The following NPRL3 variants were observed in gnomAD, a reference collection of about 807,000 sequenced individuals.
NPRL3 encodes GATOR1 complex protein NPRL3.
Under a neutral mutation model 57.2 loss-of-function variants are expected in NPRL3, and 23 were observed. That is an observed-to-expected ratio of 0.40 (90% CI 0.29 to 0.57). The LOEUF (loss-of-function observed/expected upper bound fraction) is 0.57, where lower values mean the gene tolerates loss of function less well. NPRL3 is among the 20% of genes least tolerant of loss of function. NPRL3 has a pLI of 0.42. For synonymous variants in NPRL3, 333 were observed against 321.1 expected (o/e 1.04, Z -0.39); for missense variants, 691 against 767.1 (o/e 0.90, Z 1.17).
intron 5 of NPRL3, among the ~76,000 whole-genome samples, chr16:116,189 G>A (rs772570549): frequency 2.0e-5 from 3 of 152,074 alleles, no homozygotes; most frequent in Non-Finnish European, 4.4e-5. Flanking sequence ...ACTGTTCCCC[G>A]AGGTGAGGGC....
At position 106,303 on chromosome 16, in the gene NPRL3, G is replaced by A. The variant is rs892281530; in HGVS notation, c.629+4222C>T. Among the ~76,000 whole-genome samples the A allele has an allele frequency of 5.3e-5, 8 of 151,052 alleles. No homozygotes were observed. The East Asian group carries it at 7.8e-4, about 15-fold the overall frequency. On this transcript the variant is annotated intron_variant, in intron 7 of 13. Coordinates refer to ENST00000611875, the MANE Select transcript of NPRL3 (RefSeq NM_001077350.3). ...AGCCTGGGTGACGAAGCAAGACTCC[G>A]TCTCAAACAAACAAATAAATAAATA... is the stretch of plus-strand genomic sequence containing the variant.
At chr16:103,411 G>A (rs1437563003) in intron 7 of NPRL3, among the ~76,000 whole-genome samples, 1 of 146,478 alleles carries the variant, frequency 6.8e-6, no homozygotes, top group South Asian at 2.2e-4. Context: ...AAAGTGCTAG[G>A]ATTACAGGCG....
intron 12 of NPRL3, chr16:89,333 A>T (rs1898654188): frequency 3.6e-6 from 1 of 276,414 alleles, no homozygotes; most frequent in Admixed American, 4.8e-5. Flanking sequence ...GGGACCTGGC[A>T]ACAGGCTGCT....
Position 86,842 on chromosome 16 carries a change from G to A in NPRL3, c.1573C>T (p.His525Tyr). ...TCGTTGTACATAATCTCCTCCAGGT[G>A]GTGGCGGCCGCGGAAGTAGTGAAGG... is the stretch of plus-strand genomic sequence containing the variant. ...RLLHYFRGRHHLEEIMYNENT... is the reference protein window; with the variant it reads ...RLLHYFRGRHYLEEIMYNENT... Residue 525 changes from histidine to tyrosine, a missense_variant, in exon 14 of 14, where the codon CAC (histidine) becomes TAC (tyrosine). Physicochemically the swap from His to Tyr is moderately conservative, Grantham distance 83. Transcript: ENST00000611875. The A allele has an allele frequency of 4.3e-6, 7 of 1,613,396 alleles. No individual in the cohort carries two copies. The highest frequency in any genetic ancestry group is 5.9e-6 in the Non-Finnish European group (7 of 1,179,722).
intron 6 of NPRL3, among the ~76,000 whole-genome samples, chr16:112,240 C>A (rs966002509): frequency 6.6e-6 from 1 of 152,166 alleles, no homozygotes; most frequent in Non-Finnish European, 1.5e-5. Flanking sequence ...CATTTCTGGT[C>A]GGGAAATCTA....
Position 117,394 on chromosome 16 carries a change from T to G in NPRL3, c.319-19A>C. On this transcript the variant is annotated intron_variant, in intron 4 of 13. Coordinates refer to ENST00000611875, the MANE Select transcript of NPRL3 (RefSeq NM_001077350.3). Reference sequence around the variant, plus strand: ...TGGAGATCTGTAAAAGATGCATAATTCTAATTAATTGAGACGACTTTCTAA... The same window carrying G: ...TGGAGATCTGTAAAAGATGCATAATGCTAATTAATTGAGACGACTTTCTAA... The G allele has an allele frequency of 1.3e-6, 2 of 1,560,906 alleles. No homozygotes were observed. The highest frequency in any genetic ancestry group is 1.8e-6 in the Non-Finnish European group (2 of 1,137,678).
intron 2 of NPRL3, among the ~76,000 whole-genome samples, chr16:137,289 C>A (rs1053545780): frequency 6.6e-6 from 1 of 152,180 alleles, no homozygotes. Context: ...AACCTACATG[C>A]CGTCCACAGG....
At chr16:137,629 A>G (rs1223895043) in intron 2 of NPRL3, among the ~76,000 whole-genome samples, 1 of 151,754 alleles carries the variant, frequency 6.6e-6, no homozygotes, top group Non-Finnish European at 1.5e-5. Flanking sequence ...GGTTCACTGA[A>G]ACCTCCGCCT....
intron 4 of NPRL3, among the ~76,000 whole-genome samples, chr16:118,074 T>C (rs542035230): frequency 6.6e-6 from 1 of 152,298 alleles, no homozygotes; most frequent in South Asian, 2.1e-4. Context: ...GCCCCAGCTG[T>C]GGAGGCTGTG....
At chr16:88,621 T>TGTTGCGTACGTCCCTATCCACTTTCTGC in intron 13 of NPRL3, 77 bp downstream of exon 13, 1 of 1,290,516 alleles carries the variant, frequency 7.7e-7, no homozygotes, top group African/African-American at 1.5e-5. Context: ...TTGGTGGTTC[T>TGTTGCGTACGTCCCTATCCACTTTCTGC]GTTGCGTACG....
chr16:92,680 A>T lies in NPRL3; in HGVS notation c.1077T>A (p.His359Gln). 1.2e-6 allele frequency: 2 copies of T among 1,613,906 alleles called. No individual in the cohort carries two copies. The highest frequency in any genetic ancestry group is 1.7e-6 in the Non-Finnish European group (2 of 1,179,848). Residue 359 changes from histidine (H) to glutamine (Q), a missense_variant, in exon 11 of 14, where the codon CAT becomes CAA. Physicochemically the swap from His to Gln is conservative, Grantham distance 24. Transcript: ENST00000611875. ...AEQFSHQFPS[H>Q]DLPSVLAKFS... ...ACTTGGCAAGAACGGACGGCAGGTC[A>T]TGAGATGGGAACTGGTGGGAGAACT...
intron 13 of NPRL3, among the ~76,000 whole-genome samples, chr16:87,933 C>T (rs553979274): frequency 6.6e-6 from 1 of 151,146 alleles, no homozygotes; most frequent in East Asian, 2.0e-4. Context: ...GTGCTTTCTG[C>T]AACTCAGGCT....
In NPRL3 at chr16:138,368, T is replaced by A. The variant is rs561722223; in HGVS notation, c.-67-34A>T. On this transcript the variant is annotated intron_variant, in intron 1 of 13. Transcript: ENST00000611875. ...GACGGAGCCGGAGGCGGAGGGGGCCTGAGGAGGACGAGGCGGGGACGCAGG... is the reference window on the plus strand; with the variant it reads ...GACGGAGCCGGAGGCGGAGGGGGCCAGAGGAGGACGAGGCGGGGACGCAGG... The A allele has an allele frequency of 1.9e-4, 146 of 768,660 alleles. 1 individual carries two copies. In the African/African-American group the frequency reaches 2.8e-3, roughly 15 times the overall value. 47.6% of individuals were successfully genotyped at this position (768,660 alleles called of 1,614,324 possible). A position where few individuals can be genotyped will look rare whatever the true frequency, so the allele number is the denominator to read the frequency against.
chr16:102,812 G>A (rs1273287992), intron 7 of NPRL3, among the ~76,000 whole-genome samples: 1 of 152,206 alleles, frequency 6.6e-6, no homozygotes, highest in Non-Finnish European at 1.5e-5. Context: ...CCAGAGGAGG[G>A]CAGCAGTCTC....
chr16:110,590 C>G lies in NPRL3; in HGVS notation c.564G>C (p.Gln188His). The change falls in exon 7 of 14, where the codon CAG (glutamine) becomes CAC (histidine). Residue 188 changes from glutamine (Q) to histidine (H), a missense_variant. By Grantham distance (24) the Gln-to-His change is conservative. Transcript: ENST00000611875. ...TGGGCAGGATGTGATGGAATGGGGACTGAGGACCTTCATTTCCTACAAGAA... is the reference window on the plus strand; with the variant it reads ...TGGGCAGGATGTGATGGAATGGGGAGTGAGGACCTTCATTTCCTACAAGAA... ...SAMADGNEGP[Q>H]SPFHHILPKC... 6.2e-7 allele frequency: 1 copy of G among 1,610,690 alleles called. No individual in the cohort carries two copies. Among genetic ancestry groups the G allele is most frequent in the Non-Finnish European group, 8.5e-7 (1 of 1,178,380 alleles).
At chr16:120,797 C>G (rs1438514780) in intron 3 of NPRL3, among the ~76,000 whole-genome samples, 3 of 152,220 alleles carry the variant, frequency 2.0e-5, no homozygotes, top group Non-Finnish European at 4.4e-5. Context: ...CCTTACACCA[C>G]AGGCATAATA....
chr16:121,406 C>T (rs1021256580), intron 3 of NPRL3, among the ~76,000 whole-genome samples: 1 of 152,024 alleles, frequency 6.6e-6, no homozygotes, highest in African/African-American at 2.4e-5. Context: ...GTGGATCACC[C>T]GAGGTCAGGA....
At chr16:121,013 A>G (rs549606797) in intron 3 of NPRL3, among the ~76,000 whole-genome samples, 4 of 152,280 alleles carry the variant, frequency 2.6e-5, no homozygotes, top group Non-Finnish European at 2.9e-5. Context: ...CAGAGGTAAC[A>G]GAAAAATAAC....
intron 3 of NPRL3, among the ~76,000 whole-genome samples, chr16:129,832 C>G (rs900054503): frequency 5.3e-5 from 8 of 152,122 alleles, no homozygotes; most frequent in African/African-American, 9.7e-5. Flanking sequence ...TCCACACAGG[C>G]CTTGTCTGTG....
Sources: gnomAD v4.1 joint callset for allele counts (sites outside exome capture counted in the v4.1 genomes callset) on GRCh38, gnomAD v4.1.1 for gene constraint, MANE v1.5 for transcripts, NCBI Gene and HGNC (gene_info 2026-07-23, HGNC 2026-07-21) for gene names.